ACSM2A: variants seen among roughly 807,000 people sequenced by gnomAD.
ACSM2A encodes acyl-coenzyme A synthetase ACSM2A, mitochondrial.
ACSM2A carries 72 observed loss-of-function variants against 76.6 expected under a neutral mutation model. That is an observed-to-expected ratio of 0.94 (90% confidence interval 0.78 to 1.14). The LOEUF is 1.14. Among genes scored for constraint, ACSM2A ranks in the 50% most tolerant of loss-of-function variants. The pLI is 0.00. For synonymous variants in ACSM2A, 249 were observed against 255.9 expected, an observed-to-expected ratio of 0.97 and a Z score of 0.26; for missense variants, 684 against 708.5, an observed-to-expected ratio of 0.97 and a Z score of 0.39.
chr16:20,455,211 G>T lies in ACSM2A; in HGVS notation c.-9+3530G>T, dbSNP rs1413230944. Among the ~76,000 whole-genome samples the T allele has an allele frequency of 7.3e-5, 11 of 151,568 alleles. No individual in the cohort carries two copies. In the South Asian group the frequency reaches 1.7e-3, roughly 23 times the overall value. Reference sequence around the variant, plus strand: ...AGATAGAAGAGACATCTAAAAGTTTGGGAAATGTATTCAAGGAAATAATCA... The same window carrying T: ...AGATAGAAGAGACATCTAAAAGTTTTGGAAATGTATTCAAGGAAATAATCA... On this transcript the variant is annotated intron_variant, in intron 1 of 13. Coordinates refer to ENST00000573854, the MANE Select transcript of ACSM2A (RefSeq NM_001308172.2).
chr16:20,482,051 C>G (rs1354114889), intron 12 of ACSM2A: 1 of 131,888 alleles, frequency 7.6e-6, no homozygotes, highest in South Asian at 2.6e-4. Context: ...AGGAGAATCA[C>G]ATGAACCCGG....
chr16:20,464,840 A>G (rs1263794985), intron 2 of ACSM2A, among the ~76,000 whole-genome samples: 1 of 152,150 alleles, frequency 6.6e-6, no homozygotes, highest in Non-Finnish European at 1.5e-5. Flanking sequence ...TGGATGATGA[A>G]AAACTCGGGA....
At position 20,478,185 on chromosome 16, in the gene ACSM2A, G is replaced by A. The variant is rs570051473; in HGVS notation, c.1180-391G>A. Among the ~76,000 whole-genome samples the A allele has an allele frequency of 3.9e-5, 6 of 152,304 alleles. No individual in the cohort carries two copies. The East Asian group carries it at 1.2e-3, about 29-fold the overall frequency. On this transcript the variant is annotated intron_variant, in intron 9 of 13. Coordinates refer to ENST00000573854, the MANE Select transcript of ACSM2A (RefSeq NM_001308172.2). The stretch of plus-strand genomic sequence containing the variant: ...GTCAGTATCTGTTTTATGGGCGAAA[G>A]CACTGAAGCCCAGAGTTTAAGTAGT...
intron 10 of ACSM2A, among the ~76,000 whole-genome samples, chr16:20,479,777 C>T (rs1411952026): frequency 1.3e-5 from 2 of 152,190 alleles, no homozygotes; most frequent in Non-Finnish European, 2.9e-5. Context: ...GGGGCAGACT[C>T]CTAAGGCCAC....
chr16:20,486,035 T>C (rs1367722285), intron 13 of ACSM2A, among the ~76,000 whole-genome samples: 2 of 152,250 alleles, frequency 1.3e-5, no homozygotes, highest in Non-Finnish European at 2.9e-5. Flanking sequence ...ATGATTGATG[T>C]GGAATTCAAA....
rs796804889 is a variant in ACSM2A, at chr16:20,469,885, T to G, written c.596+166T>G. ...TAACACAAGGGTATTTTTTTTTTTTTTTTTTTTTTTTCAAATCATTGCAAG... is the reference window on the plus strand; with the variant it reads ...TAACACAAGGGTATTTTTTTTTTTTGTTTTTTTTTTTCAAATCATTGCAAG... On this transcript the variant is annotated intron_variant, in intron 4 of 13. Coordinates refer to ENST00000573854, the MANE Select transcript of ACSM2A (RefSeq NM_001308172.2). Among the ~76,000 whole-genome samples, 321 of 150,300 alleles carry G rather than the reference T, an allele frequency of 2.1e-3. 2 individuals are homozygous for G. The highest frequency in any genetic ancestry group is 7.1e-3 in the African/African-American group (287 of 40,682).
chr16:20,462,598 A>G (rs1358426153), intron 2 of ACSM2A, among the ~76,000 whole-genome samples: 1 of 152,088 alleles, frequency 6.6e-6, no homozygotes, highest in Non-Finnish European at 1.5e-5. Context: ...TTTGTTTTTG[A>G]TTTTGCATCA....
At chr16:20,481,193 A>G in intron 12 of ACSM2A, 1 of 453,750 alleles carries the variant, frequency 2.2e-6, no homozygotes, top group Non-Finnish European at 3.9e-6. Flanking sequence ...AAACAGAACT[A>G]CCATACGATC....
At chr16:20,482,885 G>A (rs2014163678) in intron 12 of ACSM2A, 173 bp from the exon 13 acceptor site, 2 of 1,026,452 alleles carry the variant, frequency 1.9e-6, no homozygotes, top group African/African-American at 3.2e-5. Flanking sequence ...ACTTCAGAGA[G>A]AGCTGTAACC....
chr16:20,452,095 G>A (rs1168122782), intron 1 of ACSM2A: 1 of 150,886 alleles, frequency 6.6e-6, no homozygotes, highest in East Asian at 2.0e-4. Flanking sequence ...AAAAAAAGGA[G>A]ACAGAAATGT....
chr16:20,467,964 C>T (rs865842453), intron 3 of ACSM2A, among the ~76,000 whole-genome samples: 6 of 152,082 alleles, frequency 3.9e-5, no homozygotes, highest in South Asian at 2.1e-4. Context: ...TCCAACCCAC[C>T]TCATATTCTG....
chr16:20,479,655 C>T (rs530112088), intron 10 of ACSM2A, among the ~76,000 whole-genome samples: 1 of 152,214 alleles, frequency 6.6e-6, no homozygotes, highest in African/African-American at 2.4e-5. Context: ...CTGTCCCCTT[C>T]TCCAAGCATT....
chr16:20,454,519 G>A (rs2012004092), intron 1 of ACSM2A, among the ~76,000 whole-genome samples: 1 of 151,708 alleles, frequency 6.6e-6, no homozygotes, highest in Non-Finnish European at 1.5e-5. Flanking sequence ...AATAGTGATG[G>A]CCTCCCCTGA....
At chr16:20,485,878 C>T (rs2014357601) in intron 13 of ACSM2A, among the ~76,000 whole-genome samples, 3 of 152,188 alleles carry the variant, frequency 2.0e-5, no homozygotes, top group African/African-American at 7.2e-5. Flanking sequence ...TCACTGGAAG[C>T]CTCAATGAGG....
At chr16:20,464,774 G>T (rs946885269) in intron 2 of ACSM2A, among the ~76,000 whole-genome samples, 1 of 152,090 alleles carries the variant, frequency 6.6e-6, no homozygotes, top group Admixed American at 6.5e-5. Context: ...GTTTATCAGG[G>T]CCTAAAGGGA....
intron 1 of ACSM2A, chr16:20,453,453 A>T (rs71384458): frequency 6.7e-6 from 1 of 150,264 alleles, no homozygotes. Context: ...TCTTATGCCT[A>T]TCTTTACTTT....
In ACSM2A at chr16:20,487,386, G is replaced by A. The variant is rs985437188; in HGVS notation, c.*708G>A. ...AAGACCTCCATACAGGAAGACTTGT[G>A]TGTGGGGTTGGGACATTAGAATCAT... On this transcript the variant is annotated 3_prime_UTR_variant, in exon 14 of 14. Transcript: ENST00000573854. 1 of 152,264 alleles carries A rather than the reference G, an allele frequency of 6.6e-6. No homozygotes were observed. The highest frequency in any genetic ancestry group is 1.5e-5 in the Non-Finnish European group (1 of 68,090). The allele number at this position is 152,264 out of a possible 1,614,324, so 9.4% of individuals were successfully genotyped here. A position where few individuals can be genotyped will look rare whatever the true frequency, so the allele number is the denominator to read the frequency against.
At chr16:20,477,845 AATAGT>A (rs2013841302) in intron 9 of ACSM2A, among the ~76,000 whole-genome samples, 2 of 152,152 alleles carry the variant, frequency 1.3e-5, no homozygotes, top group African/African-American at 4.8e-5. Context: ...TGATGTAGTA[AATAGT>A]ATATATCCAC....
At chr16:20,482,836 T>C (rs1047528890) in intron 12 of ACSM2A, 1 of 530,666 alleles carries the variant, frequency 1.9e-6, no homozygotes, top group African/African-American at 1.9e-5. Flanking sequence ...GAGGTGAGCC[T>C]AGTCTCAATC....
Sources: gnomAD v4.1 joint callset for allele counts (sites outside exome capture counted in the v4.1 genomes callset) on GRCh38, gnomAD v4.1.1 for gene constraint, MANE v1.5 for transcripts, NCBI Gene and HGNC (gene_info 2026-07-23, HGNC 2026-07-21) for gene names.